Variants in LCORL observed in about 807,000 individuals in gnomAD.
The protein encoded by LCORL is ligand dependent nuclear receptor corepressor like, also known as ligand-dependent nuclear receptor corepressor-like protein.
LCORL carries 41 observed loss-of-function variants against 141.8 expected under a neutral mutation model. The observed-to-expected ratio is 0.29, with a 90% confidence interval of 0.23 to 0.38. The LOEUF (loss-of-function observed/expected upper bound fraction) is 0.38, where lower values mean the gene tolerates loss of function less well. Among genes scored for constraint, LCORL ranks in the 10% least tolerant of loss-of-function variants. LCORL has a pLI of 1.00. For synonymous variants in LCORL, 618 were observed against 694.1 expected, an observed-to-expected ratio of 0.89 and a Z score of 1.72; for missense variants, 1,759 against 2,035.0, an observed-to-expected ratio of 0.86 and a Z score of 2.61.
chr4:17,857,399 A>G (rs1724489169), intron 7 of LCORL, among the ~76,000 whole-genome samples: 1 of 152,166 alleles, frequency 6.6e-6, no homozygotes, highest in South Asian at 2.1e-4. Flanking sequence ...ACCAGGTAAT[A>G]ATTTTCTGGA....
chr4:17,999,546 T>C (rs535281621), intron 1 of LCORL, among the ~76,000 whole-genome samples: 64 of 152,218 alleles, frequency 4.2e-4, no homozygotes, highest in Non-Finnish European at 6.6e-4. Flanking sequence ...CCCTCTTATA[T>C]GTGGTCTGTT....
At chr4:17,978,070 T>C (rs529102340) in intron 1 of LCORL, among the ~76,000 whole-genome samples, 1 of 152,372 alleles carries the variant, frequency 6.6e-6, no homozygotes, top group East Asian at 1.9e-4. Context: ...CAAACTTTAA[T>C]AGCAGTTTTA....
rs1409614966 is a variant in LCORL at position 17,998,986 on chromosome 4, ATATATATATATATATATACACACATATAT to A, written c.154+22583_154+22611del. 2.6e-4 allele frequency among the ~76,000 whole-genome samples: 13 copies of A among 49,768 alleles called. 1 individual carries two copies. Among genetic ancestry groups the A allele is most frequent in the African/African-American group, 8.4e-4 (12 of 14,220 alleles). The allele number at this position is 49,768 out of a possible 152,430, so 32.6% of individuals were successfully genotyped here. On this transcript the variant is annotated intron_variant, in intron 1 of 7. Coordinates refer to ENST00000635767, the Ensembl canonical transcript of LCORL. ...TCTCAAAAAAAAAAAAAAAAAAAAA[ATATATATATATATATATACACACATATAT>A]ATATATATATATATAGTATAGTAAA...
chr4:17,919,729 G>A (rs1011617428), intron 4 of LCORL, among the ~76,000 whole-genome samples: 1 of 152,172 alleles, frequency 6.6e-6, no homozygotes, highest in Non-Finnish European at 1.5e-5. Context: ...GTTGTGTTGG[G>A]TGTGTTAGGT....
chr4:17,856,206 A>G (rs1481195359), intron 7 of LCORL, among the ~76,000 whole-genome samples: 5 of 152,198 alleles, frequency 3.3e-5, no homozygotes, highest in Non-Finnish European at 7.3e-5. Context: ...GCAGCATTCA[A>G]TATTGCTGAC....
At chr4:17,934,004 C>T (rs1028663980) in intron 4 of LCORL, among the ~76,000 whole-genome samples, 6 of 151,994 alleles carry the variant, frequency 3.9e-5, no homozygotes, top group Admixed American at 6.6e-5. Flanking sequence ...GGTACCTTGC[C>T]AAGACTGCTA....
chr4:17,882,120 A>C (rs1285993261), intron 6 of LCORL: 7 of 984,228 alleles, frequency 7.1e-6, no homozygotes, highest in Non-Finnish European at 8.4e-6. Context: ...ACATGTAAGC[A>C]GTTTTAAAAT....
At chr4:17,847,190 GCTCT>G (rs1159169763) in intron 7 of LCORL, among the ~76,000 whole-genome samples, 1 of 152,106 alleles carries the variant, frequency 6.6e-6, no homozygotes, top group African/African-American at 2.4e-5. Context: ...CTATTCAACA[GCTCT>G]CTAATTCACT....
chr4:17,958,228 C>A (rs1201818843), intron 4 of LCORL, among the ~76,000 whole-genome samples: 1 of 151,438 alleles, frequency 6.6e-6, no homozygotes, highest in East Asian at 1.9e-4. Context: ...TCAAGAAGGT[C>A]CTTCAGGAAA....
chr4:17,942,081 T>C (rs953125161), intron 4 of LCORL, among the ~76,000 whole-genome samples: 9 of 152,154 alleles, frequency 5.9e-5, no homozygotes, highest in Non-Finnish European at 1.3e-4. Context: ...ACTCAAGAAA[T>C]GTCAAAACCT....
chr4:18,020,843 A>G, intron 1 of LCORL: 1 of 152,298 alleles, frequency 6.6e-6, no homozygotes, highest in Non-Finnish European at 1.5e-5. Flanking sequence ...GACGGGGGGG[A>G]GGGTGTCGTT....
At chr4:17,966,083 T>A (rs1368720108) in intron 2 of LCORL, among the ~76,000 whole-genome samples, 1 of 152,136 alleles carries the variant, frequency 6.6e-6, no homozygotes, top group East Asian at 1.9e-4. Flanking sequence ...TGGAATTACA[T>A]ATTAACTATA....
intron 7 of LCORL, among the ~76,000 whole-genome samples, chr4:17,864,290 T>C (rs961993030): frequency 2.6e-5 from 4 of 152,102 alleles, no homozygotes; most frequent in Non-Finnish European, 5.9e-5. Context: ...CATGGAATGA[T>C]CTTGGCTCAC....
chr4:17,996,320 G>C (rs1435583578), intron 1 of LCORL, among the ~76,000 whole-genome samples: 3 of 151,992 alleles, frequency 2.0e-5, no homozygotes, highest in African/African-American at 7.2e-5. Context: ...TAGATGTATA[G>C]AGAAATGAAA....
intron 7 of LCORL, among the ~76,000 whole-genome samples, chr4:17,864,116 CT>C (rs1470250840): frequency 3.3e-5 from 5 of 152,136 alleles, no homozygotes; most frequent in African/African-American, 1.2e-4. Flanking sequence ...ATATGTACCC[CT>C]GAACCAAAAA....
At chr4:17,881,369 C>T in intron 6 of LCORL, 1 of 980,810 alleles carries the variant, frequency 1.0e-6, no homozygotes. Context: ...GGGGAATTTC[C>T]CTGCCTTTCC....
intron 4 of LCORL, among the ~76,000 whole-genome samples, chr4:17,913,388 G>A (rs1451228537): frequency 2.0e-5 from 3 of 152,120 alleles, no homozygotes; most frequent in Admixed American, 1.3e-4. Context: ...GATGAAACAC[G>A]GCTTTACCAA....
At chr4:17,875,324 G>T (rs960910002) in exon 7 of LCORL, 2 of 1,231,248 alleles carry the variant, frequency 1.6e-6, no homozygotes, top group African/African-American at 3.1e-5. Context: ...TCACAGATTT[G>T]TTCTTGATGG....
At chr4:17,968,971 C>A (rs1401103010) in intron 2 of LCORL, among the ~76,000 whole-genome samples, 1 of 152,192 alleles carries the variant, frequency 6.6e-6, no homozygotes, top group Non-Finnish European at 1.5e-5. Context: ...TCAGTTTCTA[C>A]AGGCCTAATG....
Sources: gnomAD v4.1 joint callset for allele counts (sites outside exome capture counted in the v4.1 genomes callset) on GRCh38, gnomAD v4.1.1 for gene constraint, MANE v1.5 for transcripts, NCBI Gene and HGNC (gene_info 2026-07-23, HGNC 2026-07-21) for gene names.